NOTCH3: variants seen among roughly 807,000 people sequenced by gnomAD.
NOTCH3 encodes the protein neurogenic locus notch homolog protein 3.
Under a neutral mutation model 213.3 loss-of-function variants are expected in NOTCH3, and 86 were observed. The ratio of observed to expected loss-of-function variants is 0.40; its 90% confidence interval spans 0.34 to 0.48. The LOEUF is 0.48. Ranked by LOEUF, NOTCH3 falls within the 20% of genes least tolerant of loss-of-function variation. The pLI is 0.57. For synonymous variants in NOTCH3, 1,354 were observed against 1,355.9 expected, an observed-to-expected ratio of 1.00 and a Z score of 0.03; for missense variants, 2,783 against 3,272.6, an observed-to-expected ratio of 0.85 and a Z score of 3.65.
chr19:15,189,093 C>T lies in NOTCH3; in HGVS notation c.1274G>A (p.Gly425Glu). The T allele has an allele frequency of 1.2e-6, 2 of 1,613,224 alleles. No homozygotes were observed. The highest frequency in any genetic ancestry group is 1.7e-6 in the Non-Finnish European group (2 of 1,180,032). ...GTTGACATCGGTCTCACAGCGAGGT[C>T]CAGTGTAGCCACGACCGCACTGGCA... ...FLCQCGRGYT[G>E]PRCETDVNEC... The change falls in exon 8 of 33, where the codon GGA (glycine) becomes GAA (glutamate). Residue 425 changes from glycine to glutamate, a missense_variant. Transcript: ENST00000263388.
chr19:15,179,568 C>T (rs779595896), intron 20 of NOTCH3, 72 bp from the exon 21 acceptor site: 16 of 1,522,882 alleles, frequency 1.1e-5, no homozygotes, highest in African/African-American at 6.8e-5. Context: ...CCCATGAAGA[C>T]GCAAAGAACC....
chr19:15,200,726 TG>T, intron 1 of NOTCH3, 61 bp downstream of exon 1: 5 of 1,168,052 alleles, frequency 4.3e-6, no homozygotes, highest in Non-Finnish European at 5.3e-6. Context: ...GCCCCGGCCT[TG>T]GGGGTTCTTG....
Position 15,179,671 on chromosome 19 carries a change from C to A in NOTCH3, c.3328-175G>T, listed in dbSNP as rs1413151688. On this transcript the variant is annotated intron_variant, in intron 20 of 32. Transcript: ENST00000263388. ...CCGAGGTGGGCAGATCACCTGAGATCAGGAGTTCGAGACCAGCCTGGCCAA... is the reference window on the plus strand; with the variant it reads ...CCGAGGTGGGCAGATCACCTGAGATAAGGAGTTCGAGACCAGCCTGGCCAA... 18 of 691,494 alleles carry A rather than the reference C, an allele frequency of 2.6e-5. No homozygotes were observed. The East Asian group carries it at 4.9e-4, about 19-fold the overall frequency. 42.8% of individuals were successfully genotyped at this position (691,494 alleles called of 1,614,324 possible).
chr19:15,191,908 C>T (rs1457740875), intron 4 of NOTCH3, 41 bp from the exon 5 acceptor site: 1 of 1,613,792 alleles, frequency 6.2e-7, no homozygotes, highest in Non-Finnish European at 8.5e-7. Context: ...GCCGGGCTGG[C>T]CTGCTGTCCC....
chr19:15,197,392 T>G, intron 2 of NOTCH3, 108 bp downstream of exon 2: 2 of 996,276 alleles, frequency 2.0e-6, no homozygotes, highest in Non-Finnish European at 3.1e-6. Flanking sequence ...ATGTAGGAAG[T>G]GGTAGAGACA....
intron 8 of NOTCH3, among the ~76,000 whole-genome samples, 192 bp downstream of exon 8, chr19:15,188,797 C>T (rs1175266179): frequency 6.6e-6 from 1 of 152,196 alleles, no homozygotes; most frequent in African/African-American, 2.4e-5. Context: ...GTTCTACTGA[C>T]TCCATTTGAC....
chr19:15,166,816 C>T (rs928510194), intron 29 of NOTCH3, among the ~76,000 whole-genome samples: 2 of 152,126 alleles, frequency 1.3e-5, no homozygotes, highest in South Asian at 2.1e-4. Flanking sequence ...CCAGCAGACC[C>T]GACCCCCACC....
At position 15,177,674 on chromosome 19, in the gene NOTCH3, C is replaced by A. The variant is rs1418536189; in HGVS notation, c.4254G>T (p.Ser1418=). The A allele has an allele frequency of 1.3e-6, 2 of 1,545,036 alleles. No homozygotes were observed. Among genetic ancestry groups the A allele is most frequent in the Non-Finnish European group, 1.7e-6 (2 of 1,152,922 alleles). Reference sequence around the variant, plus strand: ...GCCGCCAGGGGTCGCCCACGCTCAGCGAGCAGTCGCCGCCGTCCCAGCCGC... The same window carrying A: ...GCCGCCAGGGGTCGCCCACGCTCAGAGAGCAGTCGCCGCCGTCCCAGCCGC... The part of the protein sequence containing the change: ...PGCGWDGGDC[S]LSVGDPWRQC... The change falls in exon 24 of 33, where the codon TCG becomes TCT. Residue 1418 remains serine (S), a synonymous_variant. Coordinates refer to ENST00000263388, the MANE Select transcript of NOTCH3 (RefSeq NM_000435.3).
Position 15,161,409 on chromosome 19 carries a change from C to A in NOTCH3, c.6219G>T (p.Gly2073=). ...TGCCCCGCCCCCGGGGCCCCTGCGG[C>A]CCCAGCCCCGCCTTCCCGGGGGGCC... ...SRRPPGKAGL[G]PQGPRGRGKK... is the part of the protein sequence containing the mutation. The change falls in exon 33 of 33, where the codon GGG becomes GGT. Residue 2073 remains glycine, a synonymous_variant. Transcript: ENST00000263388. 3 of 1,527,084 alleles carry A rather than the reference C, an allele frequency of 2.0e-6. No homozygotes were observed. The highest frequency in any genetic ancestry group is 2.6e-6 in the Non-Finnish European group (3 of 1,136,916). The allele number at this position is 1,527,084 out of a possible 1,614,324, so 94.6% of individuals were successfully genotyped here.
intron 16 of NOTCH3, among the ~76,000 whole-genome samples, chr19:15,182,596 ATAGAT>A (rs2046849660): frequency 6.6e-6 from 1 of 151,680 alleles, no homozygotes; most frequent in Non-Finnish European, 1.5e-5. Context: ...ATTGGGTTAA[ATAGAT>A]TATATACATT....
chr19:15,174,620 G>A (rs2046772315), intron 24 of NOTCH3, among the ~76,000 whole-genome samples: 1 of 150,080 alleles, frequency 6.7e-6, no homozygotes, highest in Admixed American at 6.7e-5. Flanking sequence ...CGCCCAGGCC[G>A]GAATGCAGTA....
At chr19:15,196,114 T>C (rs1430946040) in intron 2 of NOTCH3, among the ~76,000 whole-genome samples, 3 of 151,904 alleles carry the variant, frequency 2.0e-5, no homozygotes, top group Non-Finnish European at 4.4e-5. Context: ...GGAGGGCGTG[T>C]AGGGAGTGGT....
chr19:15,193,853 G>A (rs1025411696), intron 2 of NOTCH3, among the ~76,000 whole-genome samples: 2 of 151,634 alleles, frequency 1.3e-5, no homozygotes, highest in Non-Finnish European at 2.9e-5. Context: ...GGAGACTGAG[G>A]TGGGCGGATC....
chr19:15,185,477 G>A lies in NOTCH3; in HGVS notation c.2144+10C>T, dbSNP rs776740628. On this transcript the variant is annotated intron_variant, in intron 13 of 32. Transcript: ENST00000263388. The surrounding 1 kb of genome is among the most constrained non-coding windows in gnomAD (Gnocchi z 4.2). ...AGGGGGCAGTGTCTGAGGCTGAGAA[G>A]GGCCCTCACCCGCCAGGTGCATCAT... 1 of 1,613,000 alleles carries A rather than the reference G, an allele frequency of 6.2e-7. No individual in the cohort carries two copies. Among genetic ancestry groups the A allele is most frequent in the South Asian group, 1.1e-5 (1 of 91,050 alleles).
At chr19:15,190,305 A>G (rs1326436310) in intron 6 of NOTCH3, among the ~76,000 whole-genome samples, 1 of 152,150 alleles carries the variant, frequency 6.6e-6, no homozygotes, top group African/African-American at 2.4e-5. Context: ...GCAAACATCC[A>G]CATATTGTTT....
rs1335932431 is a variant in NOTCH3, at chr19:15,161,324, C to T, written c.6304G>A (p.Val2102Met). ...LADSSVTLSP[V>M]DSLDSPRPFG... ...GGCCGCGGGGAGTCCAGCGAGTCCA[C>T]GGGCGACAGCGTGACCGAGCTGTCA... is the stretch of plus-strand genomic sequence containing the variant. Residue 2102 changes from valine (V) to methionine (M), a missense_variant, in exon 33 of 33, where the codon GTG becomes ATG. By Grantham distance (21) the Val-to-Met change is conservative. Transcript: ENST00000263388. 3.3e-6 allele frequency: 5 copies of T among 1,521,896 alleles called. No individual in the cohort carries two copies. Among genetic ancestry groups the T allele is most frequent in the East Asian group, 2.4e-5 (1 of 42,244 alleles). The allele number at this position is 1,521,896 out of a possible 1,614,324, so 94.3% of individuals were successfully genotyped here. A position where few individuals can be genotyped will look rare whatever the true frequency, so the allele number is the denominator to read the frequency against.
At chr19:15,178,339 C>T (rs1599379294) in intron 23 of NOTCH3, 2 of 523,310 alleles carry the variant, frequency 3.8e-6, no homozygotes, top group East Asian at 3.2e-5. Context: ...CCCCCAATCA[C>T]CATCCTCACC....
intron 23 of NOTCH3, 140 bp downstream of exon 23, chr19:15,178,683 C>A (rs2046812417): frequency 5.6e-6 from 4 of 717,412 alleles, no homozygotes; most frequent in South Asian, 4.6e-5. Context: ...CCACACCCGG[C>A]GGAAATGTCA....
rs941074303 is a variant in NOTCH3 at position 15,170,851 on chromosome 19, G to C, written c.4737-26C>G. On this transcript the variant is annotated intron_variant, in intron 25 of 32. Coordinates refer to ENST00000263388, the MANE Select transcript of NOTCH3 (RefSeq NM_000435.3). ...CTGCAGGGACAGCAGGGAGGGACCA[G>C]AGGGCTCAAAAATTGCCCGATGCAC... is the stretch of plus-strand genomic sequence containing the variant. The C allele has an allele frequency of 1.9e-6, 3 of 1,611,896 alleles. No individual in the cohort carries two copies. The East Asian group carries it at 6.7e-5, about 36-fold the overall frequency.
Sources: allele counts gnomAD v4.1 joint callset (sites outside exome capture counted in the v4.1 genomes callset), GRCh38; gene constraint gnomAD v4.1.1; non-coding constraint Gnocchi (gnomAD v3.1); transcripts MANE v1.5; gene names NCBI Gene and HGNC (gene_info 2026-07-23, HGNC 2026-07-21).